ZNF385D: variants seen among roughly 807,000 people sequenced by gnomAD.
ZNF385D encodes zinc finger protein 385D.
Under a neutral mutation model 35.8 loss-of-function variants are expected in ZNF385D, and 15 were observed. The ratio of observed to expected loss-of-function variants is 0.42; its 90% CI spans 0.28 to 0.64. The LOEUF (loss-of-function observed/expected upper bound fraction) is 0.64, where lower values mean the gene tolerates loss of function less well. Ranked by LOEUF, ZNF385D falls within the 30% of genes least tolerant of loss-of-function variation. The pLI is 0.23. For missense variants in ZNF385D, 474 were observed against 494.6 expected (o/e 0.96, Z 0.39); for synonymous variants, 212 against 186.8 (o/e 1.13, Z -1.10).
chr3:21,804,591 T>A (rs556376692), intron 3 of ZNF385D, among the ~76,000 whole-genome samples: 14 of 152,352 alleles, frequency 9.2e-5, no homozygotes, highest in Admixed American at 8.5e-4. Context: ...AAAGTACATT[T>A]ATGCAAGAAA....
chr3:21,889,568 C>A (rs1402275415), intron 3 of ZNF385D, among the ~76,000 whole-genome samples: 8 of 151,950 alleles, frequency 5.3e-5, no homozygotes, highest in Non-Finnish European at 1.5e-5. Context: ...TCAAATAGGA[C>A]TTTATTGCCC....
At chr3:22,132,224 T>A (rs1012014143) in intron 3 of ZNF385D, among the ~76,000 whole-genome samples, 4 of 152,052 alleles carry the variant, frequency 2.6e-5, no homozygotes, top group African/African-American at 7.2e-5. Flanking sequence ...TGAATGGCAA[T>A]AGAGCCCCTA....
intron 3 of ZNF385D, among the ~76,000 whole-genome samples, chr3:22,048,300 C>T (rs1699131153): frequency 2.0e-5 from 3 of 151,898 alleles, no homozygotes; most frequent in Admixed American, 2.0e-4. Flanking sequence ...GTTCCCTGTG[C>T]CTTTTGGGGC....
intron 2 of ZNF385D, among the ~76,000 whole-genome samples, chr3:22,359,475 A>C: frequency 6.6e-6 from 1 of 151,954 alleles, no homozygotes; most frequent in Middle Eastern, 3.2e-3. Context: ...TGGTTTCAGC[A>C]ATGGCGATTT....
intron 1 of ZNF385D, among the ~76,000 whole-genome samples, chr3:21,683,376 T>C (rs573015283): frequency 6.7e-6 from 1 of 149,992 alleles, no homozygotes; most frequent in South Asian, 2.1e-4. Context: ...CCCAGCACTT[T>C]GGGAGGCCGA....
chr3:22,179,969 A>T (rs1695117920), intron 2 of ZNF385D, among the ~76,000 whole-genome samples: 6 of 152,228 alleles, frequency 3.9e-5, no homozygotes, highest in Admixed American at 3.9e-4. Flanking sequence ...AGACACAAAA[A>T]ACCCTTCAAA....
chr3:22,305,424 A>C (rs1318184300), intron 2 of ZNF385D, among the ~76,000 whole-genome samples: 1 of 152,210 alleles, frequency 6.6e-6, no homozygotes, highest in Non-Finnish European at 1.5e-5. Flanking sequence ...AGTGACAAAC[A>C]ACCTCAAAAT....
At chr3:22,114,934 G>A (rs1007121591) in intron 3 of ZNF385D, among the ~76,000 whole-genome samples, 2 of 152,060 alleles carry the variant, frequency 1.3e-5, no homozygotes, top group African/African-American at 2.4e-5. Context: ...AGCACAGCAA[G>A]AAGGGCCTCA....
intron 2 of ZNF385D, among the ~76,000 whole-genome samples, chr3:22,228,399 A>G (rs934238621): frequency 6.6e-6 from 1 of 152,028 alleles, no homozygotes; most frequent in Non-Finnish European, 1.5e-5. Flanking sequence ...AAGCCCACCC[A>G]AACTGAGGAA....
intron 3 of ZNF385D, among the ~76,000 whole-genome samples, chr3:21,801,765 G>A (rs1010695578): frequency 1.3e-5 from 2 of 152,150 alleles, no homozygotes; most frequent in East Asian, 3.9e-4. Context: ...ATGCTCTGAG[G>A]CTGGGATTTT....
chr3:22,207,878 G>A (rs1005936393), intron 2 of ZNF385D, among the ~76,000 whole-genome samples: 2 of 151,918 alleles, frequency 1.3e-5, no homozygotes, highest in African/African-American at 4.8e-5. Context: ...GCTACAATGA[G>A]ATGTCACCTC....
rs1342602432 is a variant in ZNF385D at position 21,416,715 on chromosome 3, G to C, written c.*4499C>G. On this transcript the variant is annotated 3_prime_UTR_variant, in exon 8 of 8. Transcript: ENST00000281523. The stretch of plus-strand genomic sequence containing the variant: ...TAAATAATTCCTGTAACAATGACAA[G>C]AGCGCATAACTGATATACTTGTCTG... 1.3e-5 allele frequency: 2 copies of C among 152,106 alleles called. No homozygotes were observed. The highest frequency in any genetic ancestry group is 4.8e-5 in the African/African-American group (2 of 41,418). 9.4% of individuals were successfully genotyped at this position (152,106 alleles called of 1,614,324 possible). A position where few individuals can be genotyped will look rare whatever the true frequency, so the allele number is the denominator to read the frequency against.
At chr3:21,759,806 T>C (rs1382333626) in intron 3 of ZNF385D, among the ~76,000 whole-genome samples, 4 of 152,216 alleles carry the variant, frequency 2.6e-5, no homozygotes, top group Admixed American at 2.6e-4. Context: ...AGATTCTTCA[T>C]GATAAATTGA....
intron 3 of ZNF385D, among the ~76,000 whole-genome samples, chr3:21,992,607 G>C (rs1695215926): frequency 6.6e-6 from 1 of 152,110 alleles, no homozygotes; most frequent in African/African-American, 2.4e-5. Flanking sequence ...TTGTGATGAA[G>C]ATATGACAAG....
Position 21,798,916 on chromosome 3 carries a change from A to C in ZNF385D, c.326-133888T>G, listed in dbSNP as rs139299637. Among the ~76,000 whole-genome samples, 409 of 152,276 alleles carry C rather than the reference A, an allele frequency of 2.7e-3. 3 individuals are homozygous for C. The highest frequency in any genetic ancestry group is 8.7e-3 in the African/African-American group (360 of 41,570). ...GTCTATATAGTTAAAAAATATTTTC[A>C]TCCTCAAAAGAAAATCCCATGCCCA... On this transcript the variant is annotated intron_variant, in intron 3 of 5. Coordinates refer to the ZNF385D transcript ENST00000494108.
intron 3 of ZNF385D, among the ~76,000 whole-genome samples, chr3:21,898,588 G>A (rs910293614): frequency 2.6e-5 from 4 of 152,132 alleles, no homozygotes; most frequent in Non-Finnish European, 5.9e-5. Flanking sequence ...ACCAGAAGTT[G>A]TAAATGCAAC....
intron 2 of ZNF385D, among the ~76,000 whole-genome samples, chr3:21,574,026 C>T (rs1330164544): frequency 6.9e-6 from 1 of 144,654 alleles, no homozygotes; most frequent in Non-Finnish European, 1.5e-5. Flanking sequence ...CGCCACTGCA[C>T]TCTAGCCTGC....
At chr3:21,523,234 G>A (rs1708028035) in intron 3 of ZNF385D, among the ~76,000 whole-genome samples, 1 of 152,144 alleles carries the variant, frequency 6.6e-6, no homozygotes, top group African/African-American at 2.4e-5. Context: ...ATAGATCGGT[G>A]GATTGAGAAT....
chr3:22,349,540 C>G (rs1359615716), intron 2 of ZNF385D, among the ~76,000 whole-genome samples: 2 of 152,114 alleles, frequency 1.3e-5, no homozygotes, highest in African/African-American at 2.4e-5. Context: ...GAGAAATAAA[C>G]AAGATAATGC....
Sources: allele counts gnomAD v4.1 joint callset (sites outside exome capture counted in the v4.1 genomes callset), GRCh38; gene constraint gnomAD v4.1.1; transcripts MANE v1.5; gene names NCBI Gene and HGNC (gene_info 2026-07-23, HGNC 2026-07-21).